Variants in SCN3A observed in about 807,000 individuals in gnomAD.
SCN3A encodes the protein sodium voltage-gated channel alpha subunit 3.
SCN3A carries 60 observed loss-of-function variants against 187.6 expected under a neutral mutation model. The ratio of observed to expected loss-of-function variants is 0.32; its 90% CI spans 0.26 to 0.40. The LOEUF is 0.40. Ranked by LOEUF, SCN3A falls within the 10% of genes least tolerant of loss-of-function variation. The pLI, the probability that SCN3A is intolerant of heterozygous loss-of-function variation, is 1.00. For missense variants in SCN3A, 1,601 were observed against 2,428.2 expected, an observed-to-expected ratio of 0.66 and a Z score of 7.16; for synonymous variants, 788 against 829.2, an observed-to-expected ratio of 0.95 and a Z score of 0.85.
intron 12 of SCN3A, among the ~76,000 whole-genome samples, chr2:165,146,290 A>G (rs1390420599): frequency 6.6e-6 from 1 of 151,932 alleles, no homozygotes. Context: ...CAAAGAAAAT[A>G]AGTTTATCTG....
intron 21 of SCN3A, among the ~76,000 whole-genome samples, chr2:165,105,864 C>T (rs952228023): frequency 6.6e-6 from 1 of 151,044 alleles, no homozygotes; most frequent in African/African-American, 2.4e-5. Context: ...ACTTTGTCTC[C>T]TAAAGAAAAA....
At chr2:165,098,407 G>T (rs762887973) in intron 22 of SCN3A, among the ~76,000 whole-genome samples, 2 of 152,034 alleles carry the variant, frequency 1.3e-5, no homozygotes, top group Non-Finnish European at 2.9e-5. Context: ...CAATACCAAG[G>T]AATCTTAAAT....
chr2:165,152,802 A>G (rs1221940195), intron 11 of SCN3A, among the ~76,000 whole-genome samples: 1 of 152,132 alleles, frequency 6.6e-6, no homozygotes, highest in Non-Finnish European at 1.5e-5. Context: ...GGATAGCATT[A>G]GGAGGTATAC....
chr2:165,118,442 G>T (rs145614090), intron 18 of SCN3A, among the ~76,000 whole-genome samples: 7 of 152,288 alleles, frequency 4.6e-5, no homozygotes, highest in African/African-American at 1.7e-4. Context: ...CAAGCTCCCA[G>T]GACTCTTATG....
At chr2:165,196,678 C>G (rs1192037639) in intron 1 of SCN3A, among the ~76,000 whole-genome samples, 1 of 152,094 alleles carries the variant, frequency 6.6e-6, no homozygotes, top group African/African-American at 2.4e-5. Context: ...TTTCGCTCCA[C>G]TATTAGATTA....
In SCN3A at chr2:165,184,206, C is replaced by A. The variant is rs186641308; in HGVS notation, c.-51+2345G>T. 7.2e-4 allele frequency among the ~76,000 whole-genome samples: 110 copies of A among 152,106 alleles called. 1 individual carries two copies. Among genetic ancestry groups the A allele is most frequent in the African/African-American group, 2.2e-3 (92 of 41,500 alleles). ...ATAATGATAACCACTGGACACATTC[C>A]AAGGCAGAATTAAATACTATTTTCT... On this transcript the variant is annotated intron_variant, in intron 2 of 27. Coordinates refer to ENST00000283254, the MANE Select transcript of SCN3A (RefSeq NM_006922.4).
chr2:165,094,146 A>G (rs887126560), intron 26 of SCN3A: 1 of 548,736 alleles, frequency 1.8e-6, no homozygotes, highest in Non-Finnish European at 3.3e-6. Context: ...AGGAACCCTG[A>G]GCTAGAAGTT....
intron 15 of SCN3A, among the ~76,000 whole-genome samples, chr2:165,136,009 G>A (rs920647566): frequency 7.9e-5 from 12 of 152,020 alleles, no homozygotes; most frequent in African/African-American, 2.9e-4. Context: ...TAGAATTGTA[G>A]AACTGGGACA....
chr2:165,164,065 AT>A (rs1251643295), intron 6 of SCN3A, among the ~76,000 whole-genome samples: 1 of 152,166 alleles, frequency 6.6e-6, no homozygotes, highest in African/African-American at 2.4e-5. Flanking sequence ...GTGTTGCTTT[AT>A]TTCAATGTAA....
At chr2:165,096,339 C>T in intron 24 of SCN3A, 128 bp downstream of exon 24, 1 of 707,408 alleles carries the variant, frequency 1.4e-6, no homozygotes, top group Non-Finnish European at 2.5e-6. Context: ...TTGAAGCAGA[C>T]TGTTCATTTT....
chr2:165,183,097 C>A (rs1690993845), intron 2 of SCN3A, among the ~76,000 whole-genome samples: 1 of 151,918 alleles, frequency 6.6e-6, no homozygotes, highest in Non-Finnish European at 1.5e-5. Context: ...ACTCACACAA[C>A]TACCAATTTT....
In SCN3A at chr2:165,137,868, A is replaced by C. The variant is rs1334261250; in HGVS notation, c.2391+11T>G. ...TACCAAAGTAAATAAGTAAACTTCA[A>C]ATGTACTTACCAGGTTTCCTACAGT... On this transcript the variant is annotated intron_variant, in intron 15 of 27. Transcript: ENST00000283254. 2 of 1,580,500 alleles carry C rather than the reference A, an allele frequency of 1.3e-6. No individual in the cohort carries two copies. Among genetic ancestry groups the C allele is most frequent in the African/African-American group, 1.3e-5 (1 of 74,164 alleles).
At chr2:165,181,009 G>C (rs1307399612) in intron 2 of SCN3A, among the ~76,000 whole-genome samples, 2 of 152,086 alleles carry the variant, frequency 1.3e-5, no homozygotes. Flanking sequence ...ATAAGCACTT[G>C]TATGTTTATA....
At chr2:165,097,653 T>TTCC in intron 22 of SCN3A, 129 bp from the exon 23 acceptor site, 1 of 1,197,148 alleles carries the variant, frequency 8.4e-7, no homozygotes. Context: ...ACAAGTTGTT[T>TTCC]CTTCTAATTT....
intron 1 of SCN3A, among the ~76,000 whole-genome samples, chr2:165,201,896 A>G (rs1276574286): frequency 6.6e-6 from 1 of 152,052 alleles, no homozygotes; most frequent in Non-Finnish European, 1.5e-5. Flanking sequence ...TTAAAAACAA[A>G]GTATTCTTAT....
intron 3 of SCN3A, among the ~76,000 whole-genome samples, chr2:165,173,076 A>G (rs943712507): frequency 6.6e-6 from 1 of 152,054 alleles, no homozygotes; most frequent in African/African-American, 2.4e-5. Flanking sequence ...GCTATTTTGT[A>G]CTCTGGAATG....
In SCN3A at chr2:165,163,617, C is replaced by A. The variant is rs2105892972; in HGVS notation, c.694+1G>T. 1 of 1,613,948 alleles carries A rather than the reference C, an allele frequency of 6.2e-7. No homozygotes were observed. The highest frequency in any genetic ancestry group is 1.3e-5 in the African/African-American group (1 of 75,022). On this transcript the variant is annotated splice_donor_variant, in intron 7 of 27. Transcript: ENST00000283254. LOFTEE classifies it high-confidence loss of function. ...ACCTCGGTGTTTAACCTAGCTCTCA[C>A]CTGGAATGACTGAAATTGTTTTCAG... is the stretch of plus-strand genomic sequence containing the variant.
chr2:165,157,778 A>G (rs1009450615), intron 9 of SCN3A, among the ~76,000 whole-genome samples: 2 of 152,182 alleles, frequency 1.3e-5, no homozygotes, highest in Non-Finnish European at 2.9e-5. Context: ...ACATGTAGTC[A>G]TGGATAGTCA....
At chr2:165,163,313 T>C (rs896096850) in intron 7 of SCN3A, among the ~76,000 whole-genome samples, 5 of 152,094 alleles carry the variant, frequency 3.3e-5, no homozygotes, top group Non-Finnish European at 4.4e-5. Flanking sequence ...CTGCAGCGAA[T>C]GGTAAAATCC....
Sources: allele counts gnomAD v4.1 joint callset (sites outside exome capture counted in the v4.1 genomes callset), GRCh38; gene constraint gnomAD v4.1.1; transcripts MANE v1.5; gene names NCBI Gene and HGNC (gene_info 2026-07-23, HGNC 2026-07-21).